The following BABAM2 variants were observed in gnomAD, a reference collection of about 807,000 sequenced individuals.
The protein encoded by BABAM2 is BRISC and BRCA1 A complex member 2.
BABAM2 carries 31 observed loss-of-function variants against 54.7 expected under a neutral mutation model. The ratio of observed to expected loss-of-function variants is 0.57; its 90% CI spans 0.43 to 0.77. BABAM2 has a LOEUF of 0.77. BABAM2 is among the 30% of genes least tolerant of loss of function. BABAM2 has a pLI of 0.00. For missense variants in BABAM2, 364 were observed against 455.8 expected, an observed-to-expected ratio of 0.80 and a Z score of 1.83; for synonymous variants, 167 against 162.9, an observed-to-expected ratio of 1.03 and a Z score of -0.19.
intron 3 of BABAM2, among the ~76,000 whole-genome samples, chr2:27,987,477 G>A (rs549354467): frequency 6.6e-6 from 1 of 152,156 alleles, no homozygotes; most frequent in Admixed American, 6.5e-5. Context: ...CAGTGTACTT[G>A]GAGATAAAGC....
chr2:28,084,711 C>T (rs1665489532), intron 6 of BABAM2, among the ~76,000 whole-genome samples: 1 of 151,722 alleles, frequency 6.6e-6, no homozygotes, highest in South Asian at 2.1e-4. Context: ...TCCAGGGAGC[C>T]AAGTGTAGAC....
At chr2:27,898,287 C>T (rs2148268889) in intron 2 of BABAM2, among the ~76,000 whole-genome samples, 1 of 152,212 alleles carries the variant, frequency 6.6e-6, no homozygotes, top group Middle Eastern at 3.4e-3. Context: ...TCCTTCCCAC[C>T]TCAGGTCTTC....
At chr2:28,254,424 GCCACGC>G (rs1683778934) in intron 10 of BABAM2, among the ~76,000 whole-genome samples, 1 of 151,398 alleles carries the variant, frequency 6.6e-6, no homozygotes, top group South Asian at 2.1e-4. Flanking sequence ...GGCATGAGCC[GCCACGC>G]CCATGCCCAG....
At chr2:28,108,245 A>G (rs2148720476) in intron 6 of BABAM2, among the ~76,000 whole-genome samples, 1 of 152,314 alleles carries the variant, frequency 6.6e-6, no homozygotes, top group African/African-American at 2.4e-5. Context: ...TCTTAATTGC[A>G]TTCTTTCTTG....
chr2:28,209,702 G>C (rs1246228077), intron 7 of BABAM2, among the ~76,000 whole-genome samples: 4 of 152,142 alleles, frequency 2.6e-5, no homozygotes, highest in Non-Finnish European at 4.4e-5. Flanking sequence ...CAGGGCTGAA[G>C]ACTGTATGTT....
At chr2:28,263,599 C>A (rs898439031) in intron 10 of BABAM2, among the ~76,000 whole-genome samples, 1 of 152,200 alleles carries the variant, frequency 6.6e-6, no homozygotes, top group Admixed American at 6.5e-5. Context: ...TCCTCGAGTG[C>A]CATAAAATAG....
intron 7 of BABAM2, among the ~76,000 whole-genome samples, chr2:28,224,968 A>C (rs1680752587): frequency 6.6e-6 from 1 of 152,084 alleles, no homozygotes; most frequent in Non-Finnish European, 1.5e-5. Context: ...TGCAATGTGG[A>C]AAAATGATGA....
At chr2:28,057,882 G>GC (rs1558296820) in intron 6 of BABAM2, among the ~76,000 whole-genome samples, 1 of 152,028 alleles carries the variant, frequency 6.6e-6, no homozygotes, top group African/African-American at 2.4e-5. Flanking sequence ...GGTGGCTCAC[G>GC]CCTGTAATTC....
intron 6 of BABAM2, among the ~76,000 whole-genome samples, chr2:28,127,906 A>G (rs909940874): frequency 1.3e-5 from 2 of 150,532 alleles, no homozygotes; most frequent in African/African-American, 4.9e-5. Context: ...TCCCGGGTTC[A>G]TGCCATTCTC....
At chr2:28,098,903 G>A (rs1449471534) in intron 6 of BABAM2, among the ~76,000 whole-genome samples, 2 of 152,182 alleles carry the variant, frequency 1.3e-5, no homozygotes, top group African/African-American at 4.8e-5. Flanking sequence ...AATGCAGAAG[G>A]ATGAATGTAG....
intron 6 of BABAM2, among the ~76,000 whole-genome samples, chr2:28,047,403 G>A (rs1422048873): frequency 6.6e-6 from 1 of 152,168 alleles, no homozygotes; most frequent in Non-Finnish European, 1.5e-5. Flanking sequence ...AACAGCATAT[G>A]AAAGTACCTG....
At chr2:27,910,834 A>G (rs1666528637) in intron 2 of BABAM2, among the ~76,000 whole-genome samples, 1 of 152,104 alleles carries the variant, frequency 6.6e-6, no homozygotes. Flanking sequence ...TTTGAAGGGC[A>G]TTTGGGTAGT....
chr2:28,191,274 A>G (rs923791463), intron 7 of BABAM2, among the ~76,000 whole-genome samples: 1 of 152,258 alleles, frequency 6.6e-6, no homozygotes, highest in African/African-American at 2.4e-5. Context: ...GCAAGGATGT[A>G]GAACTGGAAC....
intron 7 of BABAM2, among the ~76,000 whole-genome samples, chr2:28,200,967 TGCCATGTTGGCCAG>T (rs1215227733): frequency 6.6e-6 from 1 of 152,100 alleles, no homozygotes; most frequent in African/African-American, 2.4e-5. Context: ...GACAGGGTTT[TGCCATGTTGGCCAG>T]GCTGGTCTCA....
At chr2:28,078,999 C>G (rs1664934412) in intron 6 of BABAM2, among the ~76,000 whole-genome samples, 1 of 152,114 alleles carries the variant, frequency 6.6e-6, no homozygotes, top group Non-Finnish European at 1.5e-5. Context: ...ACCAATTTTT[C>G]AACTCTCATT....
At chr2:28,060,033 C>A (rs1678735332) in intron 6 of BABAM2, among the ~76,000 whole-genome samples, 1 of 151,910 alleles carries the variant, frequency 6.6e-6, no homozygotes, top group African/African-American at 2.4e-5. Context: ...AAAAATCAGG[C>A]AAAGATATTA....
intron 7 of BABAM2, among the ~76,000 whole-genome samples, chr2:28,230,122 T>C (rs1455812655): frequency 2.6e-5 from 4 of 152,158 alleles, no homozygotes; most frequent in Admixed American, 2.0e-4. Flanking sequence ...TTAGTAGAAA[T>C]ATTAGATTAG....
At chr2:28,248,207 C>CTTTTTCTTTTTCTTTTTT (rs1553349503) in intron 10 of BABAM2, among the ~76,000 whole-genome samples, 2 of 54,306 alleles carry the variant, frequency 3.7e-5, no homozygotes, top group Non-Finnish European at 7.4e-5. Flanking sequence ...TTTTCTTTTT[C>CTTTTTCTTTTTCTTTTTT]TTTTTTTTTT....
chr2:28,026,838 A>T (rs1395621986), intron 5 of BABAM2, among the ~76,000 whole-genome samples: 1 of 62,242 alleles, frequency 1.6e-5, no homozygotes, highest in African/African-American at 6.1e-5. Context: ...ATATAAATAT[A>T]TATAAATATA....
Sources: allele counts gnomAD v4.1 joint callset (sites outside exome capture counted in the v4.1 genomes callset), GRCh38; gene constraint gnomAD v4.1.1; transcripts MANE v1.5; gene names NCBI Gene and HGNC (gene_info 2026-07-23, HGNC 2026-07-21).